The following FHIT variants were observed in gnomAD, a reference collection of about 807,000 sequenced individuals.
The protein encoded by FHIT is bis(5'-adenosyl)-triphosphatase.
A neutral mutation model predicts 17.9 loss-of-function variants in FHIT; 19 were observed. That is an observed-to-expected ratio of 1.06 (90% confidence interval 0.74 to 1.56). The LOEUF is 1.56. FHIT is among the 40% of genes most tolerant of loss of function. FHIT has a pLI of 0.00. For missense variants in FHIT, 248 were observed against 189.2 expected (o/e 1.31, Z -1.82); for synonymous variants, 81 against 69.7 (o/e 1.16, Z -0.81).
intron 8 of FHIT, among the ~76,000 whole-genome samples, chr3:59,767,732 A>G (rs1701874032): frequency 6.6e-6 from 1 of 152,136 alleles, no homozygotes; most frequent in Non-Finnish European, 1.5e-5. Flanking sequence ...TACTCTTCAT[A>G]AGAGTACCTA....
At chr3:61,213,164 T>A (rs1333085575) in intron 1 of FHIT, among the ~76,000 whole-genome samples, 1 of 152,130 alleles carries the variant, frequency 6.6e-6, no homozygotes, top group East Asian at 1.9e-4. Context: ...AATATTAACT[T>A]TAAATGTAAA....
chr3:60,935,966 A>G (rs1157596125), intron 3 of FHIT, among the ~76,000 whole-genome samples: 3 of 152,190 alleles, frequency 2.0e-5, no homozygotes, highest in Non-Finnish European at 4.4e-5. Context: ...ATATTTGTTA[A>G]GTGAGTAAAT....
At chr3:61,151,831 C>T (rs1261106832) in intron 2 of FHIT, among the ~76,000 whole-genome samples, 1 of 152,090 alleles carries the variant, frequency 6.6e-6, no homozygotes, top group Non-Finnish European at 1.5e-5. Context: ...AACCCGCCCA[C>T]CTAGGCCTCC....
At chr3:60,493,285 A>G (rs1211007164) in intron 5 of FHIT, among the ~76,000 whole-genome samples, 1 of 152,228 alleles carries the variant, frequency 6.6e-6, no homozygotes, top group Non-Finnish European at 1.5e-5. Context: ...TTAAATCTGT[A>G]GATGGTAGGC....
intron 5 of FHIT, among the ~76,000 whole-genome samples, chr3:60,296,517 T>A (rs541085102): frequency 6.6e-6 from 1 of 152,118 alleles, no homozygotes; most frequent in Admixed American, 6.6e-5. Flanking sequence ...TTTGTTGTTG[T>A]TGAGTTTTGC....
intron 4 of FHIT, among the ~76,000 whole-genome samples, chr3:60,703,068 C>G (rs2041285981): frequency 6.6e-6 from 1 of 152,076 alleles, no homozygotes; most frequent in South Asian, 2.1e-4. Flanking sequence ...AATTAGAGGT[C>G]ATAAGGGATT....
intron 4 of FHIT, among the ~76,000 whole-genome samples, chr3:60,651,567 T>C (rs2039991857): frequency 6.6e-6 from 1 of 151,934 alleles, no homozygotes; most frequent in South Asian, 2.1e-4. Flanking sequence ...AAATAAATAA[T>C]GAATTTTTAA....
In FHIT at chr3:60,535,729, G is replaced by C. The variant is rs182993184; in HGVS notation, c.103+1131C>G. On this transcript the variant is annotated intron_variant, in intron 5 of 9. Coordinates refer to ENST00000492590, the MANE Select transcript of FHIT (RefSeq NM_002012.4). Reference sequence around the variant, plus strand: ...TTTTCTAAATTAATACAATTTATTTGACTAGAATTTGGATTCCAGAAATTT... The same window carrying C: ...TTTTCTAAATTAATACAATTTATTTCACTAGAATTTGGATTCCAGAAATTT... 2.9e-4 allele frequency: 44 copies of C among 151,050 alleles called. 1 individual carries two copies. The highest frequency in any genetic ancestry group is 2.5e-3 in the Admixed American group (38 of 15,188). The allele number at this position is 151,050 out of a possible 1,614,324, so 9.4% of individuals were successfully genotyped here.
chr3:60,397,444 C>A (rs927984589), intron 5 of FHIT, among the ~76,000 whole-genome samples: 7 of 152,122 alleles, frequency 4.6e-5, no homozygotes, highest in Admixed American at 2.6e-4. Flanking sequence ...GTCCTTGAGC[C>A]CATGTTCCAG....
At chr3:60,037,699 T>G (rs1177562131) in intron 5 of FHIT, among the ~76,000 whole-genome samples, 1 of 145,262 alleles carries the variant, frequency 6.9e-6, no homozygotes, top group African/African-American at 2.5e-5. Context: ...AAGTAAGTCT[T>G]AAAATTTGTA....
At chr3:59,866,400 G>A (rs1466359928) in intron 8 of FHIT, among the ~76,000 whole-genome samples, 2 of 152,154 alleles carry the variant, frequency 1.3e-5, no homozygotes, top group South Asian at 2.1e-4. Context: ...CAGATCATTC[G>A]GGGCATTCCA....
At chr3:59,759,952 T>G (rs567553939) in intron 8 of FHIT, among the ~76,000 whole-genome samples, 1 of 149,844 alleles carries the variant, frequency 6.7e-6, no homozygotes, top group East Asian at 2.0e-4. Context: ...CCCTTCTCTA[T>G]CCTGTGAACT....
At chr3:60,959,858 G>A (rs561797458) in intron 3 of FHIT, among the ~76,000 whole-genome samples, 60 of 151,116 alleles carry the variant, frequency 4.0e-4, no homozygotes, top group African/African-American at 1.4e-3. Flanking sequence ...TGAGCCTGAG[G>A]GCAATTTTCA....
chr3:60,355,129 T>C (rs1347554483), intron 5 of FHIT, among the ~76,000 whole-genome samples: 2 of 152,204 alleles, frequency 1.3e-5, no homozygotes, highest in Non-Finnish European at 2.9e-5. Flanking sequence ...CACACATGCA[T>C]ACACAGAATA....
intron 3 of FHIT, among the ~76,000 whole-genome samples, chr3:60,970,624 G>A (rs1207526996): frequency 6.6e-6 from 1 of 151,702 alleles, no homozygotes; most frequent in African/African-American, 2.4e-5. Flanking sequence ...TTCTTTAAGT[G>A]GTTACCCTGG....
intron 5 of FHIT, among the ~76,000 whole-genome samples, chr3:60,041,367 G>C (rs967711947): frequency 6.6e-6 from 1 of 152,056 alleles, no homozygotes. Context: ...TTTTTTTCTT[G>C]AGCCAATGAC....
chr3:60,371,674 T>G (rs1700335423), intron 5 of FHIT, among the ~76,000 whole-genome samples: 1 of 152,192 alleles, frequency 6.6e-6, no homozygotes, highest in Non-Finnish European at 1.5e-5. Flanking sequence ...ATAATAAAAC[T>G]GCAAATCTAT....
At chr3:61,223,398 C>T (rs746578457) in intron 1 of FHIT, among the ~76,000 whole-genome samples, 5 of 152,150 alleles carry the variant, frequency 3.3e-5, no homozygotes, top group Admixed American at 6.5e-5. Flanking sequence ...TACATACCAC[C>T]CTCATGTCCC....
At chr3:60,993,016 T>C (rs888809883) in intron 3 of FHIT, among the ~76,000 whole-genome samples, 2 of 152,142 alleles carry the variant, frequency 1.3e-5, no homozygotes, top group African/African-American at 2.4e-5. Context: ...CATTAAAAAA[T>C]GCTTTTAAGC....
Sources: gnomAD v4.1 joint callset for allele counts (sites outside exome capture counted in the v4.1 genomes callset) on GRCh38, gnomAD v4.1.1 for gene constraint, MANE v1.5 for transcripts, NCBI Gene and HGNC (gene_info 2026-07-23, HGNC 2026-07-21) for gene names.